Variants in PHKB observed in about 807,000 individuals in gnomAD.
PHKB encodes the protein phosphorylase b kinase regulatory subunit beta.
In PHKB, 122 loss-of-function variants were observed where a neutral mutation model predicts 152.1. That is an observed-to-expected ratio of 0.80 (90% CI 0.69 to 0.93). The LOEUF (loss-of-function observed/expected upper bound fraction) is 0.93, where lower values mean the gene tolerates loss of function less well. Ranked by LOEUF, PHKB falls within the 40% of genes least tolerant of loss-of-function variation. The probability of loss-of-function intolerance (pLI) is 0.00; values close to 1 mark genes in which losing one functional copy is unlikely to be tolerated. For synonymous variants in PHKB, 436 were observed against 464.9 expected, an observed-to-expected ratio of 0.94 and a Z score of 0.80; for missense variants, 1,304 against 1,328.4, an observed-to-expected ratio of 0.98 and a Z score of 0.29.
At chr16:47,553,782 A>T (rs1971316868) in intron 7 of PHKB, among the ~76,000 whole-genome samples, 1 of 152,142 alleles carries the variant, frequency 6.6e-6, no homozygotes, top group Non-Finnish European at 1.5e-5. Flanking sequence ...TTTTGCTTCT[A>T]ACAGTCAGGG....
intron 7 of PHKB, chr16:47,565,719 C>G: frequency 6.8e-7 from 1 of 1,478,792 alleles, no homozygotes; most frequent in Non-Finnish European, 9.4e-7. Flanking sequence ...CCGAGGCCAT[C>G]GTTCTAGTTT....
At chr16:47,578,440 T>C (rs1418541204) in intron 7 of PHKB, among the ~76,000 whole-genome samples, 2 of 152,164 alleles carry the variant, frequency 1.3e-5, no homozygotes, top group Non-Finnish European at 2.9e-5. Context: ...ATTTTAACTT[T>C]CTGTTTTAGC....
chr16:47,573,436 C>T (rs1337372775), intron 7 of PHKB, among the ~76,000 whole-genome samples: 4 of 152,118 alleles, frequency 2.6e-5, no homozygotes, highest in Admixed American at 1.3e-4. Flanking sequence ...TAATGTTCCA[C>T]GGAGGAGCGG....
chr16:47,678,475 G>A (rs956464351), intron 26 of PHKB, among the ~76,000 whole-genome samples: 3 of 152,116 alleles, frequency 2.0e-5, no homozygotes, highest in African/African-American at 4.8e-5. Flanking sequence ...ACTGGTGTGA[G>A]ATGGTATCTC....
intron 10 of PHKB, among the ~76,000 whole-genome samples, chr16:47,591,100 G>T (rs1245083226): frequency 6.6e-6 from 1 of 152,044 alleles, no homozygotes; most frequent in African/African-American, 2.4e-5. Flanking sequence ...TGTGATAGAA[G>T]GATATCTATT....
intron 13 of PHKB, chr16:47,598,946 G>T: frequency 6.6e-7 from 1 of 1,517,762 alleles, no homozygotes. Flanking sequence ...CTCTCATGTG[G>T]AGTATTGCAC....
At chr16:47,563,750 C>T (rs1971515973) in intron 7 of PHKB, among the ~76,000 whole-genome samples, 1 of 151,856 alleles carries the variant, frequency 6.6e-6, no homozygotes, top group South Asian at 2.1e-4. Context: ...TTAAGGGTAC[C>T]CATCACCCAA....
chr16:47,487,777 A>AT (rs1480014818), intron 1 of PHKB, among the ~76,000 whole-genome samples: 2 of 152,162 alleles, frequency 1.3e-5, no homozygotes, highest in African/African-American at 2.4e-5. Flanking sequence ...ACGTGATTCC[A>AT]TTTTTTTATG....
At chr16:47,578,956 G>A (rs1971796048) in intron 7 of PHKB, among the ~76,000 whole-genome samples, 1 of 152,002 alleles carries the variant, frequency 6.6e-6, no homozygotes, top group Non-Finnish European at 1.5e-5. Context: ...TTGTATGCAT[G>A]TGCTGGCATT....
chr16:47,600,860 T>C (rs1049756895), intron 13 of PHKB, among the ~76,000 whole-genome samples: 1 of 152,220 alleles, frequency 6.6e-6, no homozygotes, highest in Non-Finnish European at 1.5e-5. Context: ...AAAAATCACT[T>C]GAGGCTGGGT....
At chr16:47,558,764 G>T (rs1321787588) in intron 7 of PHKB, among the ~76,000 whole-genome samples, 1 of 152,218 alleles carries the variant, frequency 6.6e-6, no homozygotes. Context: ...GGCCAGGCTG[G>T]TCTTGAGCCC....
Position 47,661,815 on chromosome 16 carries a change from C to T in PHKB, c.2278+15C>T. 1 of 1,547,752 alleles carries T rather than the reference C, an allele frequency of 6.5e-7. No individual in the cohort carries two copies. ...CACAAAGGAAGGTAAGCATGCATGT[C>T]TAGGAGAACATTTTAAGAGGACCTC... On this transcript the variant is annotated intron_variant, in intron 23 of 30. Transcript: ENST00000323584.
chr16:47,522,770 C>A (rs1970706600), intron 6 of PHKB, among the ~76,000 whole-genome samples: 1 of 151,644 alleles, frequency 6.6e-6, no homozygotes. Context: ...TTTTTGATTT[C>A]TCTCGTGAGT....
intron 1 of PHKB, among the ~76,000 whole-genome samples, chr16:47,474,314 C>T (rs1367785828): frequency 6.6e-6 from 1 of 152,126 alleles, no homozygotes; most frequent in African/African-American, 2.4e-5. Context: ...CTGAAATAGG[C>T]ACCAGCCATA....
Position 47,565,468 on chromosome 16 carries a change from G to A in PHKB, c.711-14827G>A, listed in dbSNP as rs544472440. On this transcript the variant is annotated intron_variant, in intron 7 of 30. Transcript: ENST00000323584. ...AGGGTTAGAACTTCACTTCACCCAA[G>A]CATTCTCCTTTGGTGGAGGGGCTGG... is the stretch of plus-strand genomic sequence containing the variant. The A allele has an allele frequency of 2.4e-5, 34 of 1,398,250 alleles. No homozygotes were observed. In the South Asian group the frequency reaches 2.5e-4, roughly 10 times the overall value. 86.6% of individuals were successfully genotyped at this position (1,398,250 alleles called of 1,614,324 possible).
At chr16:47,665,335 A>G (rs1328024074) in intron 25 of PHKB, 5 of 239,684 alleles carry the variant, frequency 2.1e-5, no homozygotes, top group Admixed American at 1.0e-4. Context: ...GTACTTTAAA[A>G]AAAAAAAATC....
intron 12 of PHKB, 61 bp downstream of exon 12, chr16:47,594,275 G>A (rs999571527): frequency 3.6e-6 from 3 of 836,810 alleles, no homozygotes; most frequent in Admixed American, 1.8e-5. Flanking sequence ...TATTTGAAAT[G>A]TATAAGTGAG....
At chr16:47,624,663 C>G (rs560980853) in intron 14 of PHKB, among the ~76,000 whole-genome samples, 1 of 152,164 alleles carries the variant, frequency 6.6e-6, no homozygotes, top group African/African-American at 2.4e-5. Flanking sequence ...TTGTACCTTT[C>G]TCTCTACTTA....
chr16:47,658,548 G>A (rs1449354304), intron 20 of PHKB, among the ~76,000 whole-genome samples: 1 of 152,084 alleles, frequency 6.6e-6, no homozygotes. Flanking sequence ...ATACAATGGA[G>A]GTCTCATAAG....
Sources: gnomAD v4.1 joint callset for allele counts (sites outside exome capture counted in the v4.1 genomes callset) on GRCh38, gnomAD v4.1.1 for gene constraint, MANE v1.5 for transcripts, NCBI Gene and HGNC (gene_info 2026-07-23, HGNC 2026-07-21) for gene names.